CAMK2D: variants seen among roughly 807,000 people sequenced by gnomAD.
CAMK2D encodes the protein calcium/calmodulin-dependent protein kinase type II subunit delta.
A neutral mutation model predicts 84.0 loss-of-function variants in CAMK2D; 37 were observed. The observed-to-expected ratio is 0.44, with a 90% CI of 0.34 to 0.58. CAMK2D has a LOEUF of 0.58. Ranked by LOEUF, CAMK2D falls within the 20% of genes least tolerant of loss-of-function variation. The pLI is 0.02. For synonymous variants in CAMK2D, 202 were observed against 212.5 expected (o/e 0.95, Z 0.43); for missense variants, 448 against 652.5 (o/e 0.69, Z 3.41).
chr4:113,522,412 A>G (rs1475118412), intron 8 of CAMK2D, among the ~76,000 whole-genome samples: 1 of 152,224 alleles, frequency 6.6e-6, no homozygotes, highest in Admixed American at 6.5e-5. Context: ...TGATTAATGG[A>G]AAATCATCAT....
Position 113,761,440 on chromosome 4 carries a change from G to C in CAMK2D, c.-372C>G, listed in dbSNP as rs2099641197. 8.5e-7 allele frequency: 1 copy of C among 1,182,906 alleles called. No homozygotes were observed. The highest frequency in any genetic ancestry group is 1.6e-5 in the African/African-American group (1 of 63,322). The allele number at this position is 1,182,906 out of a possible 1,614,324, so 73.3% of individuals were successfully genotyped here. On this transcript the variant is annotated 5_prime_UTR_variant, in exon 1 of 21. Coordinates refer to ENST00000511664, the MANE Select transcript of CAMK2D (RefSeq NM_001321571.2). ...CAGCCAGGCACGGGACGAGTGGCAA[G>C]CAGTTGCGAAACGATCCGCACTGGA...
At chr4:113,580,371 C>T (rs2098802081) in intron 4 of CAMK2D, among the ~76,000 whole-genome samples, 2 of 152,158 alleles carry the variant, frequency 1.3e-5, no homozygotes, top group Non-Finnish European at 1.5e-5. Context: ...TAAAGTGCTA[C>T]AATATATCAA....
intron 2 of CAMK2D, among the ~76,000 whole-genome samples, chr4:113,676,085 C>A (rs1199330958): frequency 2.0e-5 from 3 of 152,164 alleles, no homozygotes; most frequent in Non-Finnish European, 4.4e-5. Flanking sequence ...GTTTACTGGG[C>A]ACACTAAGTG....
At chr4:113,480,027 T>A (rs2154127318) in intron 16 of CAMK2D, among the ~76,000 whole-genome samples, 1 of 152,094 alleles carries the variant, frequency 6.6e-6, no homozygotes, top group Non-Finnish European at 1.5e-5. Flanking sequence ...AGTGGCGGGA[T>A]CTTGGCTCAC....
intron 20 of CAMK2D, 87 bp downstream of exon 20, chr4:113,455,639 A>T: frequency 1.4e-6 from 1 of 735,226 alleles, no homozygotes; most frequent in African/African-American, 1.7e-5. Context: ...TATGCAATAA[A>T]AAATATCCTC....
At chr4:113,488,326 T>G (rs2097786053) in intron 16 of CAMK2D, among the ~76,000 whole-genome samples, 1 of 152,212 alleles carries the variant, frequency 6.6e-6, no homozygotes, top group South Asian at 2.1e-4. Flanking sequence ...CTCTTGTATT[T>G]TTAACTCCCA....
At chr4:113,676,675 A>G (rs2099319480) in intron 2 of CAMK2D, among the ~76,000 whole-genome samples, 1 of 152,226 alleles carries the variant, frequency 6.6e-6, no homozygotes. Flanking sequence ...TAAAAGCAGG[A>G]ACACTGAAAG....
chr4:113,599,641 A>T (rs529424300), intron 4 of CAMK2D, among the ~76,000 whole-genome samples: 2 of 152,306 alleles, frequency 1.3e-5, no homozygotes, highest in African/African-American at 4.8e-5. Flanking sequence ...TTCCCCACAA[A>T]TTTAACTACT....
chr4:113,466,287 T>TAA (rs1232641215), intron 16 of CAMK2D, among the ~76,000 whole-genome samples: 14 of 149,300 alleles, frequency 9.4e-5, no homozygotes, highest in South Asian at 2.1e-4. Flanking sequence ...AATAAATAAA[T>TAA]ATAAAATAAA....
chr4:113,646,265 G>C (rs1035924088), intron 3 of CAMK2D, among the ~76,000 whole-genome samples: 2 of 152,130 alleles, frequency 1.3e-5, no homozygotes, highest in African/African-American at 4.8e-5. Flanking sequence ...CCCACACGTT[G>C]TTTAACTCCT....
At chr4:113,743,083 A>G (rs903292148) in intron 2 of CAMK2D, among the ~76,000 whole-genome samples, 4 of 152,142 alleles carry the variant, frequency 2.6e-5, no homozygotes, top group Non-Finnish European at 5.9e-5. Context: ...CCAAAATGAC[A>G]TCATTCTGGC....
At chr4:113,658,409 C>T (rs1377553772) in intron 3 of CAMK2D, among the ~76,000 whole-genome samples, 1 of 152,182 alleles carries the variant, frequency 6.6e-6, no homozygotes, top group East Asian at 1.9e-4. Context: ...CAATGTTTTT[C>T]GTTTGTTTGC....
chr4:113,627,215 T>C (rs911360539), intron 3 of CAMK2D, among the ~76,000 whole-genome samples: 3 of 152,184 alleles, frequency 2.0e-5, no homozygotes, highest in Non-Finnish European at 2.9e-5. Context: ...TGCATCTCTA[T>C]ATAGAAACGT....
At chr4:113,494,398 C>G (rs565027103) in intron 16 of CAMK2D, among the ~76,000 whole-genome samples, 1 of 151,800 alleles carries the variant, frequency 6.6e-6, no homozygotes, top group Non-Finnish European at 1.5e-5. Flanking sequence ...AGTACCCTGC[C>G]GTGTGAGGTG....
At chr4:113,617,381 T>C (rs2099025528) in intron 3 of CAMK2D, among the ~76,000 whole-genome samples, 2 of 151,784 alleles carry the variant, frequency 1.3e-5, no homozygotes, top group Non-Finnish European at 2.9e-5. Context: ...GAGAATCGCT[T>C]GAACCAGGGC....
At chr4:113,677,455 C>T in intron 2 of CAMK2D, 1 of 253,010 alleles carries the variant, frequency 4.0e-6, no homozygotes, top group Non-Finnish European at 6.2e-6. Context: ...GGGGTATCAA[C>T]AGGAAAGTGA....
intron 2 of CAMK2D, among the ~76,000 whole-genome samples, chr4:113,725,897 G>T (rs193121093): frequency 8.5e-4 from 129 of 152,164 alleles, no homozygotes; most frequent in East Asian, 7.7e-4. Context: ...ATATATATCT[G>T]CCTATAAAGT....
chr4:113,747,089 T>C lies in CAMK2D; in HGVS notation c.160+12231A>G, dbSNP rs2149000944. 2.3e-5 allele frequency among the ~76,000 whole-genome samples: 3 copies of C among 132,410 alleles called. No homozygotes were observed. In the Middle Eastern group the frequency reaches 0.011, roughly 483 times the overall value. 86.9% of individuals were successfully genotyped at this position (132,410 alleles called of 152,430 possible). On this transcript the variant is annotated intron_variant, in intron 2 of 20. Coordinates refer to ENST00000511664, the MANE Select transcript of CAMK2D (RefSeq NM_001321571.2). ...AAATAGCAAAATCTTACATATTAAT[T>C]TTTTTTACTGTTGCTAAAATTCTTC...
chr4:113,686,762 T>C (rs1447903720), intron 2 of CAMK2D, among the ~76,000 whole-genome samples: 1 of 152,184 alleles, frequency 6.6e-6, no homozygotes, highest in Non-Finnish European at 1.5e-5. Flanking sequence ...AGAGCCATTC[T>C]CATCCATAGT....
Sources: gnomAD v4.1 joint callset for allele counts (sites outside exome capture counted in the v4.1 genomes callset) on GRCh38, gnomAD v4.1.1 for gene constraint, MANE v1.5 for transcripts, NCBI Gene and HGNC (gene_info 2026-07-23, HGNC 2026-07-21) for gene names.